SWT1: variants seen among roughly 807,000 people sequenced by gnomAD.
SWT1 encodes the protein transcriptional protein SWT1.
In SWT1, 33 loss-of-function variants were observed where a neutral mutation model predicts 107.3. The ratio of observed to expected loss-of-function variants is 0.31; its 90% CI spans 0.23 to 0.41. The LOEUF is 0.41. SWT1 is among the 10% of genes least tolerant of loss of function. The pLI, the probability that SWT1 is intolerant of heterozygous loss-of-function variation, is 1.00. For missense variants in SWT1, 898 were observed against 1,028.9 expected (o/e 0.87, Z 1.74); for synonymous variants, 345 against 348.3 (o/e 0.99, Z 0.11).
intron 5 of SWT1, among the ~76,000 whole-genome samples, chr1:185,178,310 A>G (rs910022843): frequency 1.3e-5 from 2 of 152,138 alleles, no homozygotes; most frequent in Non-Finnish European, 2.9e-5. Flanking sequence ...ATCTATAGGA[A>G]AGGAAGTTGG....
chr1:185,239,987 TAACTA>T, intron 16 of SWT1, among the ~76,000 whole-genome samples: 1 of 152,162 alleles, frequency 6.6e-6, no homozygotes, highest in South Asian at 2.1e-4. Flanking sequence ...TTTGCAGAGT[TAACTA>T]AACAGGTCAT....
chr1:185,276,618 C>T lies in SWT1; in HGVS notation c.2523C>T (p.Val841=). The change falls in exon 18 of 19, where the codon GTC becomes GTT. Residue 841 remains valine, a synonymous_variant. Transcript: ENST00000367500. ...FLIKYEVNKN[V]KFTAQEIYDC... ...GTTCCTTTCAGGTAAATAAAAATGTCAAATTTACTGCCCAGGAAATTTATG... is the reference window on the plus strand; with the variant it reads ...GTTCCTTTCAGGTAAATAAAAATGTTAAATTTACTGCCCAGGAAATTTATG... 6.3e-7 allele frequency: 1 copy of T among 1,580,298 alleles called. No homozygotes were observed. The highest frequency in any genetic ancestry group is 8.7e-7 in the Non-Finnish European group (1 of 1,155,250).
At chr1:185,208,047 A>T (rs1318771141) in intron 13 of SWT1, among the ~76,000 whole-genome samples, 1 of 152,130 alleles carries the variant, frequency 6.6e-6, no homozygotes, top group Non-Finnish European at 1.5e-5. Context: ...CTGAAGCATA[A>T]CTCTGATGGC....
intron 16 of SWT1, among the ~76,000 whole-genome samples, chr1:185,268,896 A>G (rs1178953012): frequency 7.5e-6 from 1 of 132,734 alleles, no homozygotes; most frequent in Admixed American, 8.6e-5. Context: ...TCTTTTGCCC[A>G]GGCTTGAGTG....
chr1:185,236,163 C>T (rs1230489755), intron 16 of SWT1, among the ~76,000 whole-genome samples: 1 of 152,164 alleles, frequency 6.6e-6, no homozygotes, highest in Non-Finnish European at 1.5e-5. Flanking sequence ...GATCAAGCTA[C>T]CATTGACTTT....
intron 16 of SWT1, among the ~76,000 whole-genome samples, chr1:185,248,631 A>G (rs1661777610): frequency 6.6e-6 from 1 of 152,106 alleles, no homozygotes; most frequent in Non-Finnish European, 1.5e-5. Flanking sequence ...TGTCACTGTC[A>G]TATCTGTCTA....
In SWT1 at chr1:185,174,770, G is replaced by T. The variant is rs778309755; in HGVS notation, c.623G>T (p.Arg208Ile). ...AAATGTGTCTTAGAGAAATGGAAGA[G>T]AAATCAATTTTCTCAGGATTATAAC... ...SEKCVLEKWK[R>I]NQFSQDYNSN... is the part of the protein sequence containing the mutation. The change falls in exon 5 of 19, where the codon AGA becomes ATA. Residue 208 changes from arginine (R) to isoleucine (I), a missense_variant. This residue lies in a region of SWT1 where 382 missense variants were observed against 362.4 expected (regional missense o/e 1.05). Coordinates refer to ENST00000367500, the MANE Select transcript of SWT1 (RefSeq NM_017673.7). The T allele has an allele frequency of 6.2e-7, 1 of 1,610,734 alleles. No individual in the cohort carries two copies. The highest frequency in any genetic ancestry group is 8.5e-7 in the Non-Finnish European group (1 of 1,179,292).
intron 13 of SWT1, among the ~76,000 whole-genome samples, chr1:185,213,232 C>G (rs757028060): frequency 2.0e-5 from 3 of 152,132 alleles, no homozygotes; most frequent in Non-Finnish European, 4.4e-5. Flanking sequence ...GAAGTTGTGT[C>G]CAATTATATC....
At chr1:185,214,775 C>T (rs984004597) in intron 14 of SWT1, 120 bp downstream of exon 14, 10 of 782,506 alleles carry the variant, frequency 1.3e-5, no homozygotes, top group Middle Eastern at 2.4e-4. Flanking sequence ...ATACTAAAGG[C>T]GTTAAGTAAA....
intron 16 of SWT1, among the ~76,000 whole-genome samples, chr1:185,255,727 T>C (rs1257631546): frequency 7.5e-5 from 11 of 146,582 alleles, no homozygotes; most frequent in African/African-American, 2.3e-4. Context: ...GTCTTGACTC[T>C]TTATCCAATT....
At chr1:185,211,040 A>G (rs929161448) in intron 13 of SWT1, among the ~76,000 whole-genome samples, 3 of 152,208 alleles carry the variant, frequency 2.0e-5, no homozygotes, top group African/African-American at 7.2e-5. Context: ...AGGAAGTAAG[A>G]GAGGACACAA....
intron 5 of SWT1, among the ~76,000 whole-genome samples, chr1:185,179,318 G>A (rs575392658): frequency 3.3e-5 from 5 of 152,228 alleles, no homozygotes; most frequent in South Asian, 2.1e-4. Flanking sequence ...ATAGATTTCC[G>A]TAAAGTACAT....
At chr1:185,251,900 C>T (rs1389508579) in intron 16 of SWT1, among the ~76,000 whole-genome samples, 3 of 152,010 alleles carry the variant, frequency 2.0e-5, no homozygotes, top group East Asian at 3.9e-4. Flanking sequence ...CCCACTAACT[C>T]GTCATCTAGC....
chr1:185,254,525 G>A (rs1662320608), intron 16 of SWT1, among the ~76,000 whole-genome samples: 1 of 145,814 alleles, frequency 6.9e-6, no homozygotes, highest in Non-Finnish European at 1.5e-5. Context: ...TATGTGTCGA[G>A]GAATTTATCC....
At chr1:185,183,279 TG>T (rs1244745216) in intron 7 of SWT1, among the ~76,000 whole-genome samples, 1 of 152,196 alleles carries the variant, frequency 6.6e-6, no homozygotes, top group Non-Finnish European at 1.5e-5. Flanking sequence ...TTTTTTTGTT[TG>T]TTTGTGGGTT....
chr1:185,158,778 C>A (rs540388087), intron 1 of SWT1, among the ~76,000 whole-genome samples: 1 of 152,228 alleles, frequency 6.6e-6, no homozygotes, highest in African/African-American at 2.4e-5. Flanking sequence ...ATAAGTTATA[C>A]CAAAACATAG....
At chr1:185,257,066 G>A (rs1368240621) in intron 16 of SWT1, among the ~76,000 whole-genome samples, 8 of 152,080 alleles carry the variant, frequency 5.3e-5, no homozygotes, top group Non-Finnish European at 7.4e-5. Flanking sequence ...TGCCCCTGCT[G>A]GGGGGTGCCT....
intron 17 of SWT1, among the ~76,000 whole-genome samples, chr1:185,274,630 AAAG>A (rs1192054999): frequency 6.6e-6 from 1 of 152,168 alleles, no homozygotes; most frequent in South Asian, 2.1e-4. Context: ...TTTTAATTAA[AAAG>A]AAGCCATTTC....
intron 16 of SWT1, among the ~76,000 whole-genome samples, chr1:185,248,264 A>G (rs1307106608): frequency 6.6e-6 from 1 of 151,654 alleles, no homozygotes; most frequent in African/African-American, 2.4e-5. Flanking sequence ...CTAATATGCA[A>G]ACAACAATGT....
Sources: gnomAD v4.1 joint callset for allele counts (sites outside exome capture counted in the v4.1 genomes callset) on GRCh38, gnomAD v4.1.1 for gene constraint, gnomAD v4.1.1 regional missense constraint, MANE v1.5 for transcripts, NCBI Gene and HGNC (gene_info 2026-07-23, HGNC 2026-07-21) for gene names.